Variants in CALN1 observed in about 807,000 individuals in gnomAD.
CALN1 encodes calcium-binding protein 8.
CALN1 carries 17 observed loss-of-function variants against 30.6 expected under a neutral mutation model. That is an observed-to-expected ratio of 0.56 (90% CI 0.38 to 0.83). CALN1 has a LOEUF of 0.83. Ranked by LOEUF, CALN1 falls within the 40% of genes least tolerant of loss-of-function variation. CALN1 has a pLI of 0.00. For synonymous variants in CALN1, 156 were observed against 131.4 expected (o/e 1.19, Z -1.28); for missense variants, 291 against 354.9 (o/e 0.82, Z 1.45).
the CALN1 span, among the ~76,000 whole-genome samples, chr7:72,460,341 G>A: frequency 1.3e-5 from 2 of 152,188 alleles, no homozygotes; most frequent in African/African-American, 4.8e-5. Flanking sequence ...AGATGAAAAT[G>A]AAGTCCTTGG....
intron 5 of CALN1, among the ~76,000 whole-genome samples, chr7:71,940,130 C>T (rs1562921108): frequency 6.6e-6 from 1 of 152,136 alleles, no homozygotes; most frequent in African/African-American, 2.4e-5. Flanking sequence ...ACCAGGGTTC[C>T]TCCCTTTTTC....
rs78084423 is a variant in CALN1, at chr7:72,075,640, G to A, written c.388+30511C>T. On this transcript the variant is annotated intron_variant, in intron 4 of 6. Coordinates refer to ENST00000395275, the MANE Select transcript of CALN1 (RefSeq NM_031468.4). ...ACCAGCTTTGTCCCTGTCTTGGCCT[G>A]GGTGACAATGCTCAAGCCCAACCCT... is the stretch of plus-strand genomic sequence containing the variant. 3.2e-3 allele frequency among the ~76,000 whole-genome samples: 480 copies of A among 152,236 alleles called. 1 individual carries two copies. Among genetic ancestry groups the A allele is most frequent in the African/African-American group, 0.011 (459 of 41,540 alleles).
At chr7:71,940,892 G>A (rs140727997) in intron 5 of CALN1, among the ~76,000 whole-genome samples, 447 of 152,234 alleles carry the variant, frequency 2.9e-3, no homozygotes, top group African/African-American at 0.01. Flanking sequence ...GATTACAGGC[G>A]TGAGCCACTG....
chr7:71,857,026 G>A (rs910504272), intron 5 of CALN1, among the ~76,000 whole-genome samples: 67 of 147,720 alleles, frequency 4.5e-4, no homozygotes, highest in African/African-American at 1.6e-3. Flanking sequence ...ATGTGTGTGT[G>A]TGTGTGTGTG....
At chr7:72,431,225 G>A (rs907826809) in intron 1 of CALN1, among the ~76,000 whole-genome samples, 4 of 151,946 alleles carry the variant, frequency 2.6e-5, no homozygotes, top group Non-Finnish European at 4.4e-5. Flanking sequence ...CCACTGAGCC[G>A]GGCACCAATC....
At chr7:72,270,014 G>A (rs915051500) in intron 3 of CALN1, among the ~76,000 whole-genome samples, 17 of 151,612 alleles carry the variant, frequency 1.1e-4, no homozygotes. Flanking sequence ...AAACAGATAG[G>A]GTATCTCACC....
At chr7:71,943,741 C>T (rs895970024) in intron 5 of CALN1, among the ~76,000 whole-genome samples, 1 of 152,014 alleles carries the variant, frequency 6.6e-6, no homozygotes, top group Non-Finnish European at 1.5e-5. Flanking sequence ...CAGGCCAGGC[C>T]AAAACAATGT....
At chr7:72,163,324 G>C (rs906346187) in intron 3 of CALN1, among the ~76,000 whole-genome samples, 1 of 141,628 alleles carries the variant, frequency 7.1e-6, no homozygotes, top group African/African-American at 2.6e-5. Flanking sequence ...TCAAGAAAAA[G>C]AGCATAATTA....
intron 5 of CALN1, among the ~76,000 whole-genome samples, chr7:71,909,962 C>A (rs2116994016): frequency 6.6e-6 from 1 of 152,314 alleles, no homozygotes; most frequent in African/African-American, 2.4e-5. Context: ...GCCTCCCAAT[C>A]ATGGTGTAAG....
intron 5 of CALN1, among the ~76,000 whole-genome samples, chr7:71,931,594 G>A (rs546830137): frequency 7.9e-5 from 12 of 152,300 alleles, no homozygotes; most frequent in African/African-American, 1.2e-4. Context: ...TGGGCCCTAC[G>A]AAAACAGGTA....
At chr7:72,153,690 A>T (rs1010045149) in intron 3 of CALN1, among the ~76,000 whole-genome samples, 2 of 151,720 alleles carry the variant, frequency 1.3e-5, no homozygotes, top group African/African-American at 4.9e-5. Context: ...CTAAAAAAAT[A>T]AAAAGAAAAA....
Position 72,106,750 on chromosome 7 carries a change from A to G in CALN1, c.245-456T>C, listed in dbSNP as rs1374627186. 1.0e-3 allele frequency among the ~76,000 whole-genome samples: 61 copies of G among 60,304 alleles called. 1 individual carries two copies. The highest frequency in any genetic ancestry group is 1.4e-3 in the Non-Finnish European group (43 of 30,340). 39.6% of individuals were successfully genotyped at this position (60,304 alleles called of 152,430 possible). On this transcript the variant is annotated intron_variant, in intron 3 of 6. Coordinates refer to ENST00000395275, the MANE Select transcript of CALN1 (RefSeq NM_031468.4). ...GGAGGGAGGAAGGGAGGGAGGAAGG[A>G]AGGGAGGGAGGAAGGAAGGGAGGGA... is the stretch of plus-strand genomic sequence containing the variant.
chr7:72,369,575 T>G (rs1804097763), intron 2 of CALN1, among the ~76,000 whole-genome samples: 1 of 151,872 alleles, frequency 6.6e-6, no homozygotes, highest in African/African-American at 2.4e-5. Context: ...TGGTCAGGCT[T>G]GTCTTCAACT....
intron 4 of CALN1, among the ~76,000 whole-genome samples, chr7:72,087,262 G>GAGC (rs1445745568): frequency 2.0e-5 from 3 of 152,138 alleles, no homozygotes; most frequent in Admixed American, 1.3e-4. Flanking sequence ...GAACCTCAGG[G>GAGC]AGCATTTTGT....
chr7:72,076,611 CAAAAAAAAAAAAAAAAAAAAA>C (rs572245834), intron 4 of CALN1, among the ~76,000 whole-genome samples: 54 of 6,128 alleles, frequency 8.8e-3, no homozygotes, highest in Admixed American at 0.033. Context: ...AAAAAAAAAG[CAAAAAAAAAAAAAAAAAAAAA>C]AAAAAAAAAA....
intron 5 of CALN1, among the ~76,000 whole-genome samples, chr7:71,953,395 G>C (rs748063865): frequency 1.7e-4 from 26 of 152,132 alleles, no homozygotes; most frequent in Non-Finnish European, 2.9e-4. Context: ...ACTTGTGGTA[G>C]AAGAATGGAT....
At chr7:72,290,417 A>C (rs1037693466) in intron 2 of CALN1, among the ~76,000 whole-genome samples, 5 of 152,150 alleles carry the variant, frequency 3.3e-5, no homozygotes, top group African/African-American at 1.2e-4. Context: ...CTGGGAAGTC[A>C]AGAGAATGTT....
intron 2 of CALN1, among the ~76,000 whole-genome samples, chr7:72,396,554 G>C (rs1345627026): frequency 6.6e-6 from 1 of 152,206 alleles, no homozygotes; most frequent in Non-Finnish European, 1.5e-5. Flanking sequence ...TCTAAAGACA[G>C]TGTGTCGGGG....
At chr7:72,394,129 T>A (rs1364416314) in intron 2 of CALN1, among the ~76,000 whole-genome samples, 2 of 152,188 alleles carry the variant, frequency 1.3e-5, no homozygotes, top group African/African-American at 4.8e-5. Context: ...TTACACTTTG[T>A]GCATATAGAA....
Sources: allele counts gnomAD v4.1 joint callset (sites outside exome capture counted in the v4.1 genomes callset), GRCh38; gene constraint gnomAD v4.1.1; transcripts MANE v1.5; gene names NCBI Gene and HGNC (gene_info 2026-07-23, HGNC 2026-07-21).